The following SNX22 variants were observed in gnomAD, a reference collection of about 807,000 sequenced individuals.
SNX22 encodes the protein sorting nexin-22.
A neutral mutation model predicts 24.7 loss-of-function variants in SNX22; 23 were observed. The observed-to-expected ratio is 0.93, with a 90% CI of 0.67 to 1.32. The LOEUF is 1.32. Among genes scored for constraint, SNX22 ranks in the 40% most tolerant of loss-of-function variants. The pLI is 0.00. For synonymous variants in SNX22, 99 were observed against 104.0 expected, an observed-to-expected ratio of 0.95 and a Z score of 0.29; for missense variants, 261 against 249.9, an observed-to-expected ratio of 1.04 and a Z score of -0.30.
At position 64,154,690 on chromosome 15, in the gene SNX22, T is replaced by A; in HGVS notation, c.*182T>A. 2 of 734,012 alleles carry A rather than the reference T, an allele frequency of 2.7e-6. No homozygotes were observed. The highest frequency in any genetic ancestry group is 4.4e-6 in the Non-Finnish European group (2 of 457,334). The allele number at this position is 734,012 out of a possible 1,614,324, so 45.5% of individuals were successfully genotyped here. On this transcript the variant is annotated 3_prime_UTR_variant, in exon 7 of 7. Transcript: ENST00000325881. ...GCATTGGTAGCTGGAGGTGGTAGAATTTGTATGCTCTTAGAGCCCAACAGC... is the reference window on the plus strand; with the variant it reads ...GCATTGGTAGCTGGAGGTGGTAGAAATTGTATGCTCTTAGAGCCCAACAGC...
chr15:64,156,309 G>A lies in SNX22; in HGVS notation c.*1801G>A. The A allele has an allele frequency of 5.4e-6, 5 of 931,962 alleles. No homozygotes were observed. The highest frequency in any genetic ancestry group is 1.6e-5 in the African/African-American group (1 of 61,342). The allele number at this position is 931,962 out of a possible 1,614,324, so 57.7% of individuals were successfully genotyped here. A position where few individuals can be genotyped will look rare whatever the true frequency, so the allele number is the denominator to read the frequency against. On this transcript the variant is annotated 3_prime_UTR_variant, in exon 7 of 7. Coordinates refer to ENST00000325881, the MANE Select transcript of SNX22 (RefSeq NM_024798.3). The surrounding 1 kb of genome is among the most constrained non-coding windows in gnomAD (Gnocchi z 6.4). ...CTAACAGACTCCTGGCCAGAGCAGG[G>A]AGAATGCAGATTTGACGAGGGGGTA...
Position 64,156,658 on chromosome 15 carries a change from G to A in SNX22, c.*2150G>A, listed in dbSNP as rs1022506470. 5 of 1,583,516 alleles carry A rather than the reference G, an allele frequency of 3.2e-6. No homozygotes were observed. The African/African-American group carries it at 5.4e-5, about 17-fold the overall frequency. ...AAAGGGATGGACACATGGAGCTCCT[G>A]CCCTGGGGTCTGTGTTGAATCCCCG... is the stretch of plus-strand genomic sequence containing the variant. On this transcript the variant is annotated 3_prime_UTR_variant, in exon 7 of 7. Transcript: ENST00000325881. The surrounding 1 kb of genome is among the most constrained non-coding windows in gnomAD (Gnocchi z 6.4).
At chr15:64,153,448 C>T (rs555390911) in intron 4 of SNX22, 109 bp downstream of exon 4, 7 of 1,555,802 alleles carry the variant, frequency 4.5e-6, no homozygotes, top group East Asian at 2.3e-5. Context: ...CCAGCATGAC[C>T]GCCCTCACCA....
At position 64,156,827 on chromosome 15, in the gene SNX22, G is replaced by A. The variant is rs766129397; in HGVS notation, c.*2319G>A. The A allele has an allele frequency of 2.2e-5, 36 of 1,614,078 alleles. No individual in the cohort carries two copies. The highest frequency in any genetic ancestry group is 1.2e-4 in the Admixed American group (7 of 60,002). On this transcript the variant is annotated 3_prime_UTR_variant, in exon 7 of 7. Coordinates refer to ENST00000325881, the MANE Select transcript of SNX22 (RefSeq NM_024798.3). The surrounding 1 kb of genome is among the most constrained non-coding windows in gnomAD (Gnocchi z 6.4). ...GGGAGCCGTTGGTGTCTTTGCCTGC[G>A]TTGGCCATGCTCACCCAGCCAGGCC...
At position 64,151,737 on chromosome 15, in the gene SNX22, C is replaced by A. The variant is rs764863507; in HGVS notation, c.-39C>A. 7 of 1,522,212 alleles carry A rather than the reference C, an allele frequency of 4.6e-6. No individual in the cohort carries two copies. The South Asian group carries it at 8.6e-5, about 19-fold the overall frequency. The allele number at this position is 1,522,212 out of a possible 1,614,324, so 94.3% of individuals were successfully genotyped here. A position where few individuals can be genotyped will look rare whatever the true frequency, so the allele number is the denominator to read the frequency against. ...AGTCCGCTCCGGGAGAGTTAGGGCT[C>A]CGAGCCGAGCGCGCGGAGCAGCTGG... On this transcript the variant is annotated 5_prime_UTR_variant, in exon 1 of 7. Coordinates refer to ENST00000325881, the MANE Select transcript of SNX22 (RefSeq NM_024798.3).
rs1213273305 is a variant in SNX22 at position 64,155,835 on chromosome 15, C to T, written c.*1327C>T. On this transcript the variant is annotated 3_prime_UTR_variant, in exon 7 of 7. Coordinates refer to ENST00000325881, the MANE Select transcript of SNX22 (RefSeq NM_024798.3). The stretch of plus-strand genomic sequence containing the variant: ...CATTATATATTAAAAAAAAAAAAAC[C>T]CACATTTTTTTTTATTGGTCAGTGT... 2 of 789,092 alleles carry T rather than the reference C, an allele frequency of 2.5e-6. No individual in the cohort carries two copies. Among genetic ancestry groups the T allele is most frequent in the Non-Finnish European group, 4.0e-6 (2 of 504,140 alleles). The allele number at this position is 789,092 out of a possible 1,614,324, so 48.9% of individuals were successfully genotyped here. A position where few individuals can be genotyped will look rare whatever the true frequency, so the allele number is the denominator to read the frequency against.
rs753276318 is a variant in SNX22, at chr15:64,154,706, G to A, written c.*198G>A. The A allele has an allele frequency of 7.0e-5, 43 of 614,836 alleles. No homozygotes were observed. The East Asian group carries it at 1.2e-3, about 16-fold the overall frequency. 38.1% of individuals were successfully genotyped at this position (614,836 alleles called of 1,614,324 possible). A position where few individuals can be genotyped will look rare whatever the true frequency, so the allele number is the denominator to read the frequency against. On this transcript the variant is annotated 3_prime_UTR_variant, in exon 7 of 7. Coordinates refer to ENST00000325881, the MANE Select transcript of SNX22 (RefSeq NM_024798.3). ...GTGGTAGAATTTGTATGCTCTTAGA[G>A]CCCAACAGCCAAGGCAGGGTCAAGA...
rs751075971 is a variant in SNX22, at chr15:64,156,177, G to A, written c.*1669G>A. 3.7e-6 allele frequency: 6 copies of A among 1,613,212 alleles called. No individual in the cohort carries two copies. In the South Asian group the frequency reaches 6.6e-5, roughly 18 times the overall value. On this transcript the variant is annotated 3_prime_UTR_variant, in exon 7 of 7. Transcript: ENST00000325881. This position sits in a 1 kb window ranked among gnomAD's most constrained non-coding sequence, Gnocchi z 6.4. ...AAGAAAGGTGGAAGCAGGAGGGCAT[G>A]GTGGATCAGGAGGTCCACCGCTCAG...
chr15:64,152,074 G>C, intron 1 of SNX22, 169 bp from the exon 2 acceptor site: 1 of 789,160 alleles, frequency 1.3e-6, no homozygotes, highest in African/African-American at 1.8e-5. Flanking sequence ...AGGTCCGCCA[G>C]CCGGTTCTCC....
In SNX22 at chr15:64,155,903, ATG is replaced by A. The variant is rs2081526148; in HGVS notation, c.*1398_*1399del. Reference sequence around the variant, plus strand: ...AAAAGTGAGTCCATGGGCCTGTGGAATGTGAGGGGAGTGGGTCCGCTCCACCA... The same window carrying A: ...AAAAGTGAGTCCATGGGCCTGTGGAATGAGGGGAGTGGGTCCGCTCCACCA... On this transcript the variant is annotated 3_prime_UTR_variant, in exon 7 of 7. Transcript: ENST00000325881. 6.8e-7 allele frequency: 1 copy of A among 1,459,994 alleles called. No homozygotes were observed. The highest frequency in any genetic ancestry group is 9.5e-7 in the Non-Finnish European group (1 of 1,049,656). 90.4% of individuals were successfully genotyped at this position (1,459,994 alleles called of 1,614,324 possible). A position where few individuals can be genotyped will look rare whatever the true frequency, so the allele number is the denominator to read the frequency against.
chr15:64,157,153 G>T lies in SNX22; in HGVS notation c.*2645G>T. On this transcript the variant is annotated 3_prime_UTR_variant, in exon 7 of 7. Transcript: ENST00000325881. The surrounding 1 kb of genome is among the most constrained non-coding windows in gnomAD (Gnocchi z 4.2). ...ACAGCTCACAGAAGGATTACTTTGA[G>T]AAGATAGTTTTGTGGCTTTTAAATA... 1 of 574,038 alleles carries T rather than the reference G, an allele frequency of 1.7e-6. No homozygotes were observed. The highest frequency in any genetic ancestry group is 3.0e-5 in the Admixed American group (1 of 32,992). 35.6% of individuals were successfully genotyped at this position (574,038 alleles called of 1,614,324 possible).
chr15:64,156,291 A>T lies in SNX22; in HGVS notation c.*1783A>T, dbSNP rs1433097905. On this transcript the variant is annotated 3_prime_UTR_variant, in exon 7 of 7. Transcript: ENST00000325881. The surrounding 1 kb of genome is among the most constrained non-coding windows in gnomAD (Gnocchi z 6.4). ...ACTGGAGGCACCAAAATTCTAACAGACTCCTGGCCAGAGCAGGGAGAATGC... is the reference window on the plus strand; with the variant it reads ...ACTGGAGGCACCAAAATTCTAACAGTCTCCTGGCCAGAGCAGGGAGAATGC... 5 of 1,037,962 alleles carry T rather than the reference A, an allele frequency of 4.8e-6. No individual in the cohort carries two copies. The highest frequency in any genetic ancestry group is 7.3e-6 in the Non-Finnish European group (5 of 688,284). The allele number at this position is 1,037,962 out of a possible 1,614,324, so 64.3% of individuals were successfully genotyped here.
In SNX22 at chr15:64,156,013, T is replaced by A. The variant is rs1432718363; in HGVS notation, c.*1505T>A. On this transcript the variant is annotated 3_prime_UTR_variant, in exon 7 of 7. Transcript: ENST00000325881. The surrounding 1 kb of genome is among the most constrained non-coding windows in gnomAD (Gnocchi z 6.4). ...ACAGACGGTCACTCAAAGAAAGATGTCCCTGTGCCCTACTCCTTGGCGATG... is the reference window on the plus strand; with the variant it reads ...ACAGACGGTCACTCAAAGAAAGATGACCCTGTGCCCTACTCCTTGGCGATG... 6.2e-7 allele frequency: 1 copy of A among 1,614,086 alleles called. No homozygotes were observed. Among genetic ancestry groups the A allele is most frequent in the Non-Finnish European group, 8.5e-7 (1 of 1,179,988 alleles).
chr15:64,155,670 C>T lies in SNX22; in HGVS notation c.*1162C>T. ...GCAGGGGGCAAAAGCTCCTGCCTGA[C>T]TTTTCCTGGGTAGCTCCTGGGTCAA... On this transcript the variant is annotated 3_prime_UTR_variant, in exon 7 of 7. Coordinates refer to ENST00000325881, the MANE Select transcript of SNX22 (RefSeq NM_024798.3). 1 of 311,190 alleles carries T rather than the reference C, an allele frequency of 3.2e-6. No homozygotes were observed. The highest frequency in any genetic ancestry group is 3.2e-5 in the South Asian group (1 of 31,406). 19.3% of individuals were successfully genotyped at this position (311,190 alleles called of 1,614,324 possible). A position where few individuals can be genotyped will look rare whatever the true frequency, so the allele number is the denominator to read the frequency against.
chr15:64,153,749 A>G (rs763490669), intron 5 of SNX22, 65 bp downstream of exon 5: 249 of 1,610,414 alleles, frequency 1.5e-4, no homozygotes, highest in Admixed American at 4.7e-4. Context: ...GCTAGGAGGC[A>G]GGCCTGCTGC....
rs1365230888 is a variant in SNX22 at position 64,152,345 on chromosome 15, C to A, written c.159+19C>A. The A allele has an allele frequency of 6.7e-7, 1 of 1,501,960 alleles. No homozygotes were observed. Among genetic ancestry groups the A allele is most frequent in the Admixed American group, 2.2e-5 (1 of 46,094 alleles). The allele number at this position is 1,501,960 out of a possible 1,614,324, so 93.0% of individuals were successfully genotyped here. A position where few individuals can be genotyped will look rare whatever the true frequency, so the allele number is the denominator to read the frequency against. On this transcript the variant is annotated intron_variant, in intron 2 of 6. Transcript: ENST00000325881. ...CAAGCGGGTGAGGCGGCGCCGACCTCCCACCGGCCCCGGCCCAGCCTCTGT... is the reference window on the plus strand; with the variant it reads ...CAAGCGGGTGAGGCGGCGCCGACCTACCACCGGCCCCGGCCCAGCCTCTGT...
chr15:64,152,979 C>T (rs571204032), intron 3 of SNX22: 547 of 608,098 alleles, frequency 9.0e-4, no homozygotes, highest in Non-Finnish European at 7.1e-4. Flanking sequence ...CAGGTCCTGT[C>T]CCCTCCATGG....
rs1351488978 is a variant in SNX22 at position 64,156,660 on chromosome 15, C to T, written c.*2152C>T. 3.8e-6 allele frequency: 6 copies of T among 1,590,934 alleles called. No individual in the cohort carries two copies. Among genetic ancestry groups the T allele is most frequent in the African/African-American group, 2.7e-5 (2 of 74,514 alleles). ...AGGGATGGACACATGGAGCTCCTGC[C>T]CTGGGGTCTGTGTTGAATCCCCGGT... is the stretch of plus-strand genomic sequence containing the variant. On this transcript the variant is annotated 3_prime_UTR_variant, in exon 7 of 7. Coordinates refer to ENST00000325881, the MANE Select transcript of SNX22 (RefSeq NM_024798.3). This position sits in a 1 kb window ranked among gnomAD's most constrained non-coding sequence, Gnocchi z 6.4.
At chr15:64,151,898 TC>T in intron 1 of SNX22, 48 bp downstream of exon 1, 1 of 1,495,312 alleles carries the variant, frequency 6.7e-7, no homozygotes, top group Non-Finnish European at 8.9e-7. Context: ...CCGCAGGATT[TC>T]CCCGCGCTGC....
Sources: gnomAD v4.1 joint callset for allele counts on GRCh38, gnomAD v4.1.1 for gene constraint, Gnocchi (gnomAD v3.1) non-coding constraint, MANE v1.5 for transcripts, NCBI Gene and HGNC (gene_info 2026-07-23, HGNC 2026-07-21) for gene names.